The following SRL variants were observed in gnomAD, a reference collection of about 807,000 sequenced individuals.
SRL encodes the protein sarcalumenin.
A neutral mutation model predicts 39.5 loss-of-function variants in SRL; 23 were observed. The ratio of observed to expected loss-of-function variants is 0.58; its 90% CI spans 0.42 to 0.82. The LOEUF (loss-of-function observed/expected upper bound fraction) is 0.82. Among genes scored for constraint, SRL ranks in the 40% least tolerant of loss-of-function variants. SRL has a pLI of 0.00. For synonymous variants in SRL, 272 were observed against 237.4 expected, an observed-to-expected ratio of 1.15 and a Z score of -1.34; for missense variants, 592 against 607.8, an observed-to-expected ratio of 0.97 and a Z score of 0.27.
chr16:4,216,674 C>T (rs1377498416), intron 1 of SRL, among the ~76,000 whole-genome samples: 4 of 152,194 alleles, frequency 2.6e-5, no homozygotes, highest in Non-Finnish European at 5.9e-5. Flanking sequence ...ATAGAGCACT[C>T]AGTTTTTCCA....
intron 2 of SRL, among the ~76,000 whole-genome samples, chr16:4,204,046 T>C (rs1450642620): frequency 6.6e-6 from 1 of 152,154 alleles, no homozygotes; most frequent in Non-Finnish European, 1.5e-5. Flanking sequence ...ACTCTACCCC[T>C]CGATCCGCCA....
At chr16:4,215,812 A>ACAAAG (rs2052452818) in intron 1 of SRL, among the ~76,000 whole-genome samples, 1 of 152,192 alleles carries the variant, frequency 6.6e-6, no homozygotes, top group African/African-American at 2.4e-5. Flanking sequence ...AGCCTGGGTA[A>ACAAAG]CAAAGCAAGA....
intron 1 of SRL, among the ~76,000 whole-genome samples, chr16:4,228,116 G>A (rs1210663619): frequency 1.3e-5 from 2 of 152,240 alleles, no homozygotes; most frequent in Non-Finnish European, 2.9e-5. Flanking sequence ...CCTGGACCGG[G>A]CCTCCCTGAC....
intron 1 of SRL, among the ~76,000 whole-genome samples, chr16:4,226,065 C>G (rs185500249): frequency 1.3e-4 from 20 of 152,284 alleles, no homozygotes; most frequent in Admixed American, 1.2e-3. Context: ...ACTCCTTCCT[C>G]TTCTAAGTCT....
chr16:4,200,051 G>A (rs145110569), intron 3 of SRL, among the ~76,000 whole-genome samples: 42 of 152,232 alleles, frequency 2.8e-4, no homozygotes, highest in Middle Eastern at 3.4e-3. Flanking sequence ...TCTTGCCTTC[G>A]GATGCTCTGG....
At chr16:4,204,431 A>G (rs2052286905) in intron 2 of SRL, 102 bp downstream of exon 2, 2 of 1,083,404 alleles carry the variant, frequency 1.8e-6, no homozygotes, top group Non-Finnish European at 2.8e-6. Flanking sequence ...CCTCCAAGAT[A>G]CAGCCCCGGC....
chr16:4,227,234 G>GTGGA (rs201638237), intron 1 of SRL, among the ~76,000 whole-genome samples: 1,543 of 146,528 alleles, frequency 0.011, 23 homozygotes, highest in African/African-American at 0.037. Context: ...GGATGGGTGG[G>GTGGA]TGGATGGATG....
intron 1 of SRL, among the ~76,000 whole-genome samples, chr16:4,218,404 G>C (rs1202370186): frequency 6.6e-6 from 1 of 152,138 alleles, no homozygotes; most frequent in Non-Finnish European, 1.5e-5. Flanking sequence ...AGTGCTGTGT[G>C]GCTTCCTCAT....
intron 1 of SRL, among the ~76,000 whole-genome samples, chr16:4,210,470 T>G (rs1025212171): frequency 4.7e-5 from 7 of 149,308 alleles, no homozygotes; most frequent in African/African-American, 1.7e-4. Context: ...TTTGGTAAAA[T>G]GAGTATTACT....
intron 1 of SRL, among the ~76,000 whole-genome samples, chr16:4,237,654 C>T (rs2052727005): frequency 6.6e-6 from 1 of 152,090 alleles, no homozygotes; most frequent in Non-Finnish European, 1.5e-5. Flanking sequence ...CTTCCATCTG[C>T]CCGCCTTCAT....
chr16:4,208,028 T>C (rs1307009003), intron 1 of SRL: 1 of 456,502 alleles, frequency 2.2e-6, no homozygotes. Context: ...CCTCTAGACT[T>C]GCGTCTCCAG....
chr16:4,223,592 T>C (rs957121554), intron 1 of SRL, among the ~76,000 whole-genome samples: 8 of 151,422 alleles, frequency 5.3e-5, no homozygotes, highest in African/African-American at 1.7e-4. Flanking sequence ...TACTCTGTTA[T>C]CCAGGCTGGT....
chr16:4,231,283 T>G (rs1450301057), intron 1 of SRL, among the ~76,000 whole-genome samples: 2 of 152,172 alleles, frequency 1.3e-5, no homozygotes, highest in African/African-American at 4.8e-5. Flanking sequence ...ACCACTGCAC[T>G]CCAGCCTGGG....
chr16:4,228,517 C>T (rs560664326), intron 1 of SRL, among the ~76,000 whole-genome samples: 1,923 of 152,106 alleles, frequency 0.013, 51 homozygotes, highest in African/African-American at 0.044. Flanking sequence ...GGGCGGATCA[C>T]TAGGTCAGGA....
intron 2 of SRL, 98 bp downstream of exon 2, chr16:4,204,435 C>CCCCGGCCTCCAAGATACAGT: frequency 9.0e-7 from 1 of 1,109,160 alleles, no homozygotes; most frequent in Non-Finnish European, 1.4e-6. Flanking sequence ...CAAGATACAG[C>CCCCGGCCTCCAAGATACAGT]CCCGGCACGC....
intron 5 of SRL, 55 bp downstream of exon 5, chr16:4,195,497 CA>C: frequency 1.3e-6 from 2 of 1,566,136 alleles, no homozygotes; most frequent in East Asian, 2.3e-5. Context: ...CATGCCTGGC[CA>C]AAAATAATTT....
At position 4,192,000 on chromosome 16, in the gene SRL, A is replaced by C. The variant is rs1597262336; in HGVS notation, c.*153T>G. ...TCCACTCTCCTCCCTAGACCCACAC[A>C]CCTGCCCCGACCCCTGGCCTCAATG... On this transcript the variant is annotated 3_prime_UTR_variant, in exon 6 of 6. Transcript: ENST00000399609. The C allele has an allele frequency of 1.3e-6, 1 of 799,654 alleles. No homozygotes were observed. The highest frequency in any genetic ancestry group is 2.0e-6 in the Non-Finnish European group (1 of 503,350). The allele number at this position is 799,654 out of a possible 1,614,324, so 49.5% of individuals were successfully genotyped here.
At chr16:4,229,489 T>C (rs1227669185) in intron 1 of SRL, among the ~76,000 whole-genome samples, 1 of 151,872 alleles carries the variant, frequency 6.6e-6, no homozygotes, top group African/African-American at 2.4e-5. Context: ...GAAACATGGA[T>C]GCAGCTGGAG....
intron 1 of SRL, among the ~76,000 whole-genome samples, chr16:4,226,388 G>A (rs2052589447): frequency 6.6e-6 from 1 of 151,870 alleles, no homozygotes; most frequent in East Asian, 1.9e-4. Flanking sequence ...ATGGATGGAT[G>A]AACAGATGAA....
Sources: allele counts gnomAD v4.1 joint callset (sites outside exome capture counted in the v4.1 genomes callset), GRCh38; gene constraint gnomAD v4.1.1; transcripts MANE v1.5; gene names NCBI Gene and HGNC (gene_info 2026-07-23, HGNC 2026-07-21).